Variants in TULP4 observed in about 807,000 individuals in gnomAD.
TULP4 encodes the protein tubby-related protein 4.
TULP4 carries 16 observed loss-of-function variants against 129.0 expected under a neutral mutation model. That is an observed-to-expected ratio of 0.12 (90% CI 0.08 to 0.19). The LOEUF is 0.19. TULP4 is among the 10% of genes least tolerant of loss of function. The pLI, the probability that TULP4 is intolerant of heterozygous loss-of-function variation, is 1.00. For synonymous variants in TULP4, 998 were observed against 854.0 expected, an observed-to-expected ratio of 1.17 and a Z score of -2.94; for missense variants, 1,842 against 2,059.1, an observed-to-expected ratio of 0.89 and a Z score of 2.04.
intron 1 of TULP4, among the ~76,000 whole-genome samples, chr6:158,290,760 G>A (rs1199795328): frequency 1.7e-5 from 2 of 118,380 alleles, no homozygotes; most frequent in East Asian, 5.3e-4. Flanking sequence ...TTTGGCTCTG[G>A]TCATCCTTGT....
chr6:158,450,801 A>C (rs1332391466), intron 4 of TULP4, among the ~76,000 whole-genome samples: 1 of 152,042 alleles, frequency 6.6e-6, no homozygotes, highest in Non-Finnish European at 1.5e-5. Context: ...TCAGGCCTGT[A>C]ATCCTAGCAC....
intron 1 of TULP4, among the ~76,000 whole-genome samples, chr6:158,380,387 A>T (rs1187738922): frequency 6.6e-6 from 1 of 152,190 alleles, no homozygotes; most frequent in Non-Finnish European, 1.5e-5. Context: ...CCATGTCCTC[A>T]GTAGCTCAGT....
chr6:158,493,815 A>C lies in TULP4; in HGVS notation c.1776+98A>C. 1 of 1,347,834 alleles carries C rather than the reference A, an allele frequency of 7.4e-7. No homozygotes were observed. The highest frequency in any genetic ancestry group is 9.8e-7 in the Non-Finnish European group (1 of 1,016,170). 83.5% of individuals were successfully genotyped at this position (1,347,834 alleles called of 1,614,324 possible). On this transcript the variant is annotated intron_variant, in intron 10 of 13. Transcript: ENST00000367097. The surrounding 1 kb of genome is among the most constrained non-coding windows in gnomAD (Gnocchi z 4.4). ...GCCGCCTGCACTGCTCACTGCCACC[A>C]TGGGTCCCTGAGCTCTGCTCCACAT... is the stretch of plus-strand genomic sequence containing the variant.
At chr6:158,303,999 A>G (rs979727503) in intron 1 of TULP4, among the ~76,000 whole-genome samples, 1 of 152,254 alleles carries the variant, frequency 6.6e-6, no homozygotes, top group African/African-American at 2.4e-5. Context: ...TAGGAATCAG[A>G]TAACACAAAA....
Position 158,503,279 on chromosome 6 carries a change from C to T in TULP4, c.3616C>T (p.Pro1206Ser). 2 of 1,613,946 alleles carry T rather than the reference C, an allele frequency of 1.2e-6. No homozygotes were observed. Among genetic ancestry groups the T allele is most frequent in the East Asian group, 2.2e-5 (1 of 44,854 alleles). ...NNPPLPGVQA[P>S]CSPKDALSPT... ...CCCCCCTTTGCCTGGAGTGCAGGCT[C>T]CCTGCTCTCCCAAAGATGCCCTGTC... Residue 1206 changes from proline (P) to serine (S), a missense_variant, in exon 13 of 14, where the codon CCC becomes TCC. Physicochemically the swap from Pro to Ser is moderately conservative, Grantham distance 74 (BLOSUM62 -1). Coordinates refer to ENST00000367097, the MANE Select transcript of TULP4 (RefSeq NM_020245.5). The surrounding 1 kb of genome is among the most constrained non-coding windows in gnomAD (Gnocchi z 4.3).
At chr6:158,242,766 C>A (rs997642736) in intron 1 of TULP4, 2 of 412,856 alleles carry the variant, frequency 4.8e-6, no homozygotes, top group African/African-American at 2.0e-5. Context: ...CTGGCCGTAC[C>A]GGTTCACTTC....
At chr6:158,375,264 G>A (rs1001177576) in intron 1 of TULP4, among the ~76,000 whole-genome samples, 1 of 152,152 alleles carries the variant, frequency 6.6e-6, no homozygotes, top group South Asian at 2.1e-4. Flanking sequence ...AAGAAGTTAA[G>A]TAATGAAGTT....
intron 6 of TULP4, among the ~76,000 whole-genome samples, chr6:158,470,921 T>A (rs675053): frequency 1.3e-5 from 2 of 151,940 alleles, no homozygotes; most frequent in African/African-American, 4.8e-5. Flanking sequence ...CTGTTTTGAC[T>A]GGGTTTGAGG....
intron 1 of TULP4, among the ~76,000 whole-genome samples, chr6:158,382,630 G>T (rs1490541286): frequency 6.6e-6 from 1 of 152,184 alleles, no homozygotes; most frequent in African/African-American, 2.4e-5. Context: ...TTGAAAGGAT[G>T]GTGATTAATA....
rs1280474157 is a variant in TULP4, at chr6:158,332,179, AAAAAAAAAAAAAAAAAAAAAAATATATAT to A, written c.252+17913_252+17941del. ...AGAGTAAGACTCTGTCAAAAAAAAA[AAAAAAAAAAAAAAAAAAAAAAATATATAT>A]ATATATATATATATATATATAAATT... On this transcript the variant is annotated intron_variant, in intron 1 of 13. Coordinates refer to ENST00000367097, the MANE Select transcript of TULP4 (RefSeq NM_020245.5). Among the ~76,000 whole-genome samples the A allele has an allele frequency of 4.9e-3, 313 of 63,852 alleles. 9 individuals carry two copies. The highest frequency in any genetic ancestry group is 0.026 in the African/African-American group (292 of 11,344). 41.9% of individuals were successfully genotyped at this position (63,852 alleles called of 152,430 possible). A position where few individuals can be genotyped will look rare whatever the true frequency, so the allele number is the denominator to read the frequency against.
In TULP4 at chr6:158,413,779, G is replaced by C. The variant is rs1175130354; in HGVS notation, c.381+586G>C. Among the ~76,000 whole-genome samples, 1 of 152,226 alleles carries C rather than the reference G, an allele frequency of 6.6e-6. No individual in the cohort carries two copies. The highest frequency in any genetic ancestry group is 1.5e-5 in the Non-Finnish European group (1 of 68,040). On this transcript the variant is annotated intron_variant, in intron 2 of 13. Coordinates refer to ENST00000367097, the MANE Select transcript of TULP4 (RefSeq NM_020245.5). This position sits in a 1 kb window ranked among gnomAD's most constrained non-coding sequence, Gnocchi z 4.9. ...TAGAACTGCTCCATAGATTGTTCTG[G>C]TTTACAGGACGGCTTCATGGTGCAC...
chr6:158,294,383 A>G (rs917637246), intron 1 of TULP4, among the ~76,000 whole-genome samples: 1 of 151,706 alleles, frequency 6.6e-6, no homozygotes, highest in African/African-American at 2.4e-5. Flanking sequence ...ATAAAAAAAA[A>G]AATAAATAAA....
At chr6:158,427,132 G>A (rs539891632) in intron 2 of TULP4, among the ~76,000 whole-genome samples, 80 of 152,176 alleles carry the variant, frequency 5.3e-4, no homozygotes, top group Non-Finnish European at 1.0e-3. Context: ...TTCATACAAC[G>A]GAATAATATG....
rs71030170 is a variant in TULP4 at position 158,439,700 on chromosome 6, C to CTTTTTTTT, written c.544-9274_544-9267dup. Among the ~76,000 whole-genome samples, 52 of 68,250 alleles carry CTTTTTTTT rather than the reference C, an allele frequency of 7.6e-4. 4 individuals are homozygous for CTTTTTTTT. Among genetic ancestry groups the CTTTTTTTT allele is most frequent in the African/African-American group, 1.3e-3 (22 of 16,746 alleles). The allele number at this position is 68,250 out of a possible 152,430, so 44.8% of individuals were successfully genotyped here. A position where few individuals can be genotyped will look rare whatever the true frequency, so the allele number is the denominator to read the frequency against. On this transcript the variant is annotated intron_variant, in intron 3 of 13. Transcript: ENST00000367097. ...CATGTAAGCTCTTGTACTAGAGTTT[C>CTTTTTTTT]TTTTTTTTTTTTTTTTTTTTTTTTT...
chr6:158,477,122 A>G (rs1290095466), intron 6 of TULP4, among the ~76,000 whole-genome samples: 1 of 152,140 alleles, frequency 6.6e-6, no homozygotes, highest in Non-Finnish European at 1.5e-5. Flanking sequence ...ATGGGTGGTA[A>G]TTATATATAT....
intron 1 of TULP4, among the ~76,000 whole-genome samples, chr6:158,239,001 T>C (rs62437141): frequency 1.2e-3 from 129 of 111,690 alleles, no homozygotes; most frequent in South Asian, 2.5e-3. Flanking sequence ...CCAGTAGGGG[T>C]GGCCGGGCAG....
rs2114857497 is a variant in TULP4, at chr6:158,366,250, G to T, written c.253-46815G>T. Among the ~76,000 whole-genome samples the T allele has an allele frequency of 1.3e-5, 2 of 152,254 alleles. 1 individual carries two copies. Among genetic ancestry groups the T allele is most frequent in the South Asian group, 4.1e-4 (2 of 4,820 alleles). On this transcript the variant is annotated intron_variant, in intron 1 of 13. Transcript: ENST00000367097. Reference sequence around the variant, plus strand: ...TTCCCTCACAAGCTTTGGGCTTTTAGTTTAGAAGCCTGTCTTAAGTGGACT... The same window carrying T: ...TTCCCTCACAAGCTTTGGGCTTTTATTTTAGAAGCCTGTCTTAAGTGGACT...
At chr6:158,323,816 TA>T (rs2128488410) in intron 1 of TULP4, among the ~76,000 whole-genome samples, 1 of 152,364 alleles carries the variant, frequency 6.6e-6, no homozygotes, top group Non-Finnish European at 1.5e-5. Flanking sequence ...TTCTATACAG[TA>T]AGTCCTCAAT....
intron 1 of TULP4, among the ~76,000 whole-genome samples, chr6:158,383,393 A>T (rs1777372239): frequency 6.6e-6 from 1 of 152,226 alleles, no homozygotes; most frequent in South Asian, 2.1e-4. Context: ...TGAGAATTAT[A>T]ATGCAATGAT....
Sources: allele counts gnomAD v4.1 joint callset (sites outside exome capture counted in the v4.1 genomes callset), GRCh38; gene constraint gnomAD v4.1.1; non-coding constraint Gnocchi (gnomAD v3.1); transcripts MANE v1.5; gene names NCBI Gene and HGNC (gene_info 2026-07-23, HGNC 2026-07-21).